Variants in TRAPPC10 observed in about 807,000 individuals in gnomAD.
TRAPPC10 encodes the protein trafficking protein particle complex subunit 10, also known as TRAPP 130 kDa subunit.
Under a neutral mutation model 125.5 loss-of-function variants are expected in TRAPPC10, and 23 were observed. That is an observed-to-expected ratio of 0.18 (90% CI 0.13 to 0.26). TRAPPC10 has a LOEUF of 0.26. Ranked by LOEUF, TRAPPC10 falls within the 10% of genes least tolerant of loss-of-function variation. The pLI, the probability that TRAPPC10 is intolerant of heterozygous loss-of-function variation, is 1.00. For synonymous variants in TRAPPC10, 509 were observed against 518.0 expected, an observed-to-expected ratio of 0.98 and a Z score of 0.24; for missense variants, 1,123 against 1,308.4, an observed-to-expected ratio of 0.86 and a Z score of 2.19.
At chr21:44,062,737 A>G (rs1195891808) in intron 6 of TRAPPC10, 2 of 985,240 alleles carry the variant, frequency 2.0e-6, no homozygotes, top group Non-Finnish European at 2.4e-6. Context: ...GCAGGTCCAC[A>G]CCACACCACT....
chr21:44,084,979 G>A (rs2038028303), intron 15 of TRAPPC10, among the ~76,000 whole-genome samples: 1 of 152,238 alleles, frequency 6.6e-6, no homozygotes, highest in Admixed American at 6.5e-5. Flanking sequence ...GAACCTCCAT[G>A]TGTTCAGCTG....
rs749726957 is a variant in TRAPPC10, at chr21:44,087,862, A to G, written c.2703A>G (p.Ala901=). The change falls in exon 17 of 23, where the codon GCA becomes GCG. Residue 901 remains alanine, a synonymous_variant. Coordinates refer to ENST00000291574, the MANE Select transcript of TRAPPC10 (RefSeq NM_003274.5). The surrounding 1 kb of genome is among the most constrained non-coding windows in gnomAD (Gnocchi z 4.6). Reference sequence around the variant, plus strand: ...GGGAGAGTGACATGCTGGGGATGGCAGAGCCCCACAGGAAGCATAAGGACA... The same window carrying G: ...GGGAGAGTGACATGCTGGGGATGGCGGAGCCCCACAGGAAGCATAAGGACA... ...LGGESDMLGM[A]EPHRKHKDKQ... The G allele has an allele frequency of 6.8e-6, 11 of 1,614,096 alleles. No individual in the cohort carries two copies. In the Admixed American group the frequency reaches 1.0e-4, roughly 15 times the overall value.
intron 6 of TRAPPC10, chr21:44,060,367 C>G (rs970371188): frequency 1.3e-5 from 2 of 151,372 alleles, no homozygotes; most frequent in African/African-American, 4.9e-5. Flanking sequence ...GCTTTGCCTC[C>G]CGGGTTCATG....
chr21:44,028,479 A>G (rs2033271899), intron 1 of TRAPPC10, among the ~76,000 whole-genome samples: 1 of 152,132 alleles, frequency 6.6e-6, no homozygotes, highest in African/African-American at 2.4e-5. Context: ...CCTGCTGTTC[A>G]GCCAGGGTGA....
rs1002551263 is a variant in TRAPPC10, at chr21:44,090,012, G to A, written c.2870+79G>A. On this transcript the variant is annotated intron_variant, in intron 18 of 22. Transcript: ENST00000291574. ...TGGAGGTTCCTAATGTTCAAAACTG[G>A]CCTTCGTGGTGACCAAGGATGTCTT... The A allele has an allele frequency of 4.4e-6, 5 of 1,139,456 alleles. No homozygotes were observed. In the African/African-American group the frequency reaches 6.1e-5, roughly 14 times the overall value. 70.6% of individuals were successfully genotyped at this position (1,139,456 alleles called of 1,614,324 possible).
intron 1 of TRAPPC10, among the ~76,000 whole-genome samples, chr21:44,029,746 C>T (rs535402169): frequency 4.3e-4 from 65 of 152,328 alleles, no homozygotes; most frequent in African/African-American, 1.3e-3. Context: ...TTCCTTCTGT[C>T]TGTGTGACCA....
At chr21:44,045,408 C>T (rs906699567) in intron 3 of TRAPPC10, among the ~76,000 whole-genome samples, 1 of 152,022 alleles carries the variant, frequency 6.6e-6, no homozygotes, top group African/African-American at 2.4e-5. Context: ...TATTTTCACT[C>T]GTTAGGGAAT....
intron 10 of TRAPPC10, among the ~76,000 whole-genome samples, chr21:44,077,132 G>A (rs1276697741): frequency 6.6e-6 from 1 of 152,078 alleles, no homozygotes; most frequent in Non-Finnish European, 1.5e-5. Flanking sequence ...TGTCACCCAC[G>A]TGCAGAAAGT....
At chr21:44,086,983 C>T (rs1279640658) in intron 16 of TRAPPC10, 23 bp downstream of exon 16, 1 of 1,612,236 alleles carries the variant, frequency 6.2e-7, no homozygotes, top group South Asian at 1.1e-5. Context: ...CCACCCAGGC[C>T]CAAGGAGGAT....
rs918639395 is a variant in TRAPPC10, at chr21:44,074,986, T to A, written c.1186-53T>A. On this transcript the variant is annotated intron_variant, in intron 8 of 22. Transcript: ENST00000291574. Reference sequence around the variant, plus strand: ...AATTTTTATATTTAAATTCTTGAATTCCCTGCTGACTCTTACGGCAAATTA... The same window carrying A: ...AATTTTTATATTTAAATTCTTGAATACCCTGCTGACTCTTACGGCAAATTA... 4 of 1,272,722 alleles carry A rather than the reference T, an allele frequency of 3.1e-6. No individual in the cohort carries two copies. In the African/African-American group the frequency reaches 6.0e-5, roughly 19 times the overall value. 78.8% of individuals were successfully genotyped at this position (1,272,722 alleles called of 1,614,324 possible). A position where few individuals can be genotyped will look rare whatever the true frequency, so the allele number is the denominator to read the frequency against.
intron 2 of TRAPPC10, among the ~76,000 whole-genome samples, chr21:44,034,560 T>G (rs1344157637): frequency 6.6e-6 from 1 of 152,124 alleles, no homozygotes; most frequent in African/African-American, 2.4e-5. Flanking sequence ...GAAAATTGGA[T>G]GGCCCCAGGG....
At chr21:44,075,326 C>G (rs1233938993) in intron 9 of TRAPPC10, among the ~76,000 whole-genome samples, 173 bp downstream of exon 9, 2 of 152,172 alleles carry the variant, frequency 1.3e-5, no homozygotes, top group Non-Finnish European at 2.9e-5. Flanking sequence ...TACCTTTTAA[C>G]AGCATAATGC....
chr21:44,014,846 C>T (rs1229720587), intron 1 of TRAPPC10, among the ~76,000 whole-genome samples: 1 of 152,120 alleles, frequency 6.6e-6, no homozygotes, highest in African/African-American at 2.4e-5. Context: ...TCAAAGTTAA[C>T]TTGAAAAATG....
chr21:44,014,321 CAGATT>C (rs985542459), intron 1 of TRAPPC10, among the ~76,000 whole-genome samples: 2 of 151,810 alleles, frequency 1.3e-5, no homozygotes, highest in African/African-American at 4.8e-5. Flanking sequence ...TTCTTTCCTA[CAGATT>C]TATTGGATTG....
At chr21:44,067,988 C>T (rs1049525077) in intron 7 of TRAPPC10, among the ~76,000 whole-genome samples, 1 of 151,972 alleles carries the variant, frequency 6.6e-6, no homozygotes, top group Non-Finnish European at 1.5e-5. Context: ...GGCGTGATGG[C>T]AGGCGCCTGT....
chr21:44,090,313 T>C (rs2038484059), intron 18 of TRAPPC10, among the ~76,000 whole-genome samples: 1 of 152,250 alleles, frequency 6.6e-6, no homozygotes, highest in Non-Finnish European at 1.5e-5. Context: ...CTAGTTCTCC[T>C]GTCCCTGTAT....
At chr21:44,032,245 T>A in intron 2 of TRAPPC10, 73 bp downstream of exon 2, 1 of 1,259,040 alleles carries the variant, frequency 7.9e-7, no homozygotes, top group Non-Finnish European at 1.1e-6. Context: ...TTTAAATAAG[T>A]ATATGTTGTT....
intron 6 of TRAPPC10, chr21:44,060,368 C>G (rs1323614412): frequency 2.0e-5 from 3 of 150,830 alleles, no homozygotes; most frequent in Admixed American, 1.3e-4. Context: ...CTTTGCCTCC[C>G]GGGTTCATGC....
At chr21:44,077,920 A>T (rs2037406467) in intron 11 of TRAPPC10, 136 bp downstream of exon 11, 1 of 514,670 alleles carries the variant, frequency 1.9e-6, no homozygotes, top group African/African-American at 2.0e-5. Flanking sequence ...AGTCCTCATA[A>T]TTTTTTTTTC....
Sources: allele counts gnomAD v4.1 joint callset (sites outside exome capture counted in the v4.1 genomes callset), GRCh38; gene constraint gnomAD v4.1.1; non-coding constraint Gnocchi (gnomAD v3.1); transcripts MANE v1.5; gene names NCBI Gene and HGNC (gene_info 2026-07-23, HGNC 2026-07-21).